The following MTPN variants were observed in gnomAD, a reference collection of about 807,000 sequenced individuals.
MTPN encodes granule cell differentiation protein.
MTPN carries 2 observed loss-of-function variants against 13.5 expected under a neutral mutation model. The ratio of observed to expected loss-of-function variants is 0.15; its 90% CI spans 0.06 to 0.47. The LOEUF is 0.47. MTPN is among the 20% of genes least tolerant of loss of function. The pLI, the probability that MTPN is intolerant of heterozygous loss-of-function variation, is 0.97. For missense variants in MTPN, 79 were observed against 137.9 expected, an observed-to-expected ratio of 0.57 and a Z score of 2.14; for synonymous variants, 46 against 51.7, an observed-to-expected ratio of 0.89 and a Z score of 0.48.
intron 3 of MTPN, among the ~76,000 whole-genome samples, chr7:135,946,820 G>A (rs902731698): frequency 6.6e-6 from 1 of 152,084 alleles, no homozygotes; most frequent in African/African-American, 2.4e-5. Flanking sequence ...ACAGGCATTG[G>A]GCTTGGCCTC....
At chr7:135,944,721 C>T (rs1202623189) in intron 3 of MTPN, among the ~76,000 whole-genome samples, 1 of 152,144 alleles carries the variant, frequency 6.6e-6, no homozygotes, top group East Asian at 1.9e-4. Context: ...AGGCAAACTA[C>T]TATTATTTCT....
intron 3 of MTPN, among the ~76,000 whole-genome samples, chr7:135,934,513 A>G (rs1280925406): frequency 1.3e-5 from 2 of 152,228 alleles, no homozygotes; most frequent in Non-Finnish European, 1.5e-5. Context: ...ACACACAGCC[A>G]TAATTACTGC....
chr7:135,953,043 G>A (rs1162772645), intron 1 of MTPN, among the ~76,000 whole-genome samples: 1 of 152,130 alleles, frequency 6.6e-6, no homozygotes, highest in Non-Finnish European at 1.5e-5. Flanking sequence ...GAATCAAGAT[G>A]TTCAGAGCCC....
In MTPN at chr7:135,926,903, A is replaced by G. The variant is rs1798927981; in HGVS notation, c.*3023T>C. ...AAGTATGACATTGTGGAAAAAATGA[A>G]CTCAAATATATCAAAATGCACAAAG... On this transcript the variant is annotated 3_prime_UTR_variant, in exon 4 of 4. Coordinates refer to ENST00000393085, the MANE Select transcript of MTPN (RefSeq NM_145808.4). 6.4e-6 allele frequency: 1 copy of G among 155,580 alleles called. No individual in the cohort carries two copies. Among genetic ancestry groups the G allele is most frequent in the East Asian group, 1.9e-4 (1 of 5,394 alleles). 9.6% of individuals were successfully genotyped at this position (155,580 alleles called of 1,614,324 possible).
At chr7:135,944,391 T>G (rs185242190) in intron 3 of MTPN, among the ~76,000 whole-genome samples, 1 of 152,092 alleles carries the variant, frequency 6.6e-6, no homozygotes, top group Admixed American at 6.6e-5. Flanking sequence ...ATGTGCAACA[T>G]GAGGCCAGGC....
At chr7:135,972,253 ACACACACC>A (rs781757961) in intron 1 of MTPN, among the ~76,000 whole-genome samples, 6,123 of 139,814 alleles carry the variant, frequency 0.044, 205 homozygotes, top group Non-Finnish European at 0.066. Context: ...ACACACACAC[ACACACACC>A]CCATGTAGAT....
In MTPN at chr7:135,930,078, C is replaced by T. The variant is rs988273736; in HGVS notation, c.271-66G>A. On this transcript the variant is annotated intron_variant, in intron 3 of 3. Transcript: ENST00000393085. The stretch of plus-strand genomic sequence containing the variant: ...CTGGGGGAAGGGAATGTAAGACTAG[C>T]TCACATGGCACAGGTTAATGTTTAC... 3.5e-5 allele frequency: 47 copies of T among 1,342,576 alleles called. No individual in the cohort carries two copies. In the Admixed American group the frequency reaches 5.7e-4, roughly 16 times the overall value. The allele number at this position is 1,342,576 out of a possible 1,614,324, so 83.2% of individuals were successfully genotyped here.
Position 135,963,548 on chromosome 7 carries a change from C to A in MTPN, c.73-11918G>T, listed in dbSNP as rs370113509. On this transcript the variant is annotated intron_variant, in intron 1 of 3. Transcript: ENST00000393085. ...AATACAGAAAAACAGACAGATGGCA[C>A]AATAGAAAGAAAGAAGGTCTGTAAG... Among the ~76,000 whole-genome samples, 7 of 151,896 alleles carry A rather than the reference C, an allele frequency of 4.6e-5. No individual in the cohort carries two copies. In the East Asian group the frequency reaches 1.3e-3, roughly 29 times the overall value.
At chr7:135,969,978 C>T (rs1391687687) in intron 1 of MTPN, among the ~76,000 whole-genome samples, 2 of 152,134 alleles carry the variant, frequency 1.3e-5, no homozygotes, top group Non-Finnish European at 2.9e-5. Flanking sequence ...CTCATGTCTG[C>T]CAATGTGTGC....
Position 135,927,380 on chromosome 7 carries a change from AG to A in MTPN, c.*2545del, listed in dbSNP as rs780443461. 1.9e-6 allele frequency: 3 copies of A among 1,549,656 alleles called. No individual in the cohort carries two copies. Among genetic ancestry groups the A allele is most frequent in the Non-Finnish European group, 2.6e-6 (3 of 1,145,188 alleles). On this transcript the variant is annotated 3_prime_UTR_variant, in exon 4 of 4. Transcript: ENST00000393085. ...CTGAAGCTGCAAGGGAGACTTTGTT[AG>A]TACACTACTATAAACAGGTAAACTA... is the stretch of plus-strand genomic sequence containing the variant.
chr7:135,951,856 T>C (rs912159405), intron 1 of MTPN, among the ~76,000 whole-genome samples: 6 of 152,170 alleles, frequency 3.9e-5, no homozygotes, highest in African/African-American at 1.4e-4. Flanking sequence ...GAAAACAATA[T>C]ACAATAATGA....
Position 135,927,521 on chromosome 7 carries a change from TTA to T in MTPN, c.*2403_*2404del, listed in dbSNP as rs1434582815. On this transcript the variant is annotated 3_prime_UTR_variant, in exon 4 of 4. Transcript: ENST00000393085. ...TACTTCAGTGGAGAACAAAACTTAC[TTA>T]ACCTTTCGCTAATGCATGTAGTACC... 1 of 1,061,252 alleles carries T rather than the reference TTA, an allele frequency of 9.4e-7. No homozygotes were observed. Among genetic ancestry groups the T allele is most frequent in the Non-Finnish European group, 1.4e-6 (1 of 724,924 alleles). The allele number at this position is 1,061,252 out of a possible 1,614,324, so 65.7% of individuals were successfully genotyped here. A position where few individuals can be genotyped will look rare whatever the true frequency, so the allele number is the denominator to read the frequency against.
At chr7:135,946,458 T>C (rs1021189131) in intron 3 of MTPN, among the ~76,000 whole-genome samples, 6 of 146,216 alleles carry the variant, frequency 4.1e-5, no homozygotes, top group African/African-American at 1.5e-4. Context: ...AAACTATTTA[T>C]GAGCTAGAGC....
Position 135,977,314 on chromosome 7 carries a change from C to A in MTPN, c.-214G>T, listed in dbSNP as rs957764267. 28 of 593,076 alleles carry A rather than the reference C, an allele frequency of 4.7e-5. No individual in the cohort carries two copies. In the African/African-American group the frequency reaches 4.9e-4, roughly 10 times the overall value. 36.7% of individuals were successfully genotyped at this position (593,076 alleles called of 1,614,324 possible). A position where few individuals can be genotyped will look rare whatever the true frequency, so the allele number is the denominator to read the frequency against. ...GTTCTTTTGCGGCCACCGGGCCCAG[C>A]AGAGAGGTTCCGCCTGGCCGAGGAG... is the stretch of plus-strand genomic sequence containing the variant. On this transcript the variant is annotated 5_prime_UTR_variant, in exon 1 of 4. Transcript: ENST00000393085.
At chr7:135,933,517 A>C (rs1357795538) in intron 3 of MTPN, among the ~76,000 whole-genome samples, 3 of 152,018 alleles carry the variant, frequency 2.0e-5, no homozygotes, top group Non-Finnish European at 2.9e-5. Context: ...ATTAACTTTT[A>C]TATTCTGGTC....
intron 1 of MTPN, among the ~76,000 whole-genome samples, chr7:135,960,507 A>T (rs1269052519): frequency 6.6e-6 from 1 of 151,994 alleles, no homozygotes; most frequent in African/African-American, 2.4e-5. Flanking sequence ...CACACCCTAA[A>T]TCTGAATAGT....
At chr7:135,962,198 TC>T (rs1355690794) in intron 1 of MTPN, among the ~76,000 whole-genome samples, 1 of 150,990 alleles carries the variant, frequency 6.6e-6, no homozygotes, top group Non-Finnish European at 1.5e-5. Flanking sequence ...CATTATCTAA[TC>T]CCAGTGCAAT....
rs116341365 is a variant in MTPN, at chr7:135,939,977, T to C, written c.271-9965A>G. 6.1e-3 allele frequency among the ~76,000 whole-genome samples: 934 copies of C among 152,310 alleles called. 6 individuals carry two copies. The highest frequency in any genetic ancestry group is 0.021 in the African/African-American group (879 of 41,566). ...AAGCATCCAAATTAAAAGGAAAAAT[T>C]ATTTTTTTAAAAATACTATCTTGTC... On this transcript the variant is annotated intron_variant, in intron 3 of 3. Coordinates refer to ENST00000393085, the MANE Select transcript of MTPN (RefSeq NM_145808.4).
intron 3 of MTPN, among the ~76,000 whole-genome samples, chr7:135,934,049 C>CTTG (rs1262136343): frequency 6.6e-6 from 1 of 152,154 alleles, no homozygotes; most frequent in Non-Finnish European, 1.5e-5. Flanking sequence ...AGCCATGCCT[C>CTTG]TTGTACAGCG....
Sources: allele counts gnomAD v4.1 joint callset (sites outside exome capture counted in the v4.1 genomes callset), GRCh38; gene constraint gnomAD v4.1.1; transcripts MANE v1.5; gene names NCBI Gene and HGNC (gene_info 2026-07-23, HGNC 2026-07-21).